Variants in KCNIP4 observed in about 807,000 individuals in gnomAD.
The protein encoded by KCNIP4 is potassium voltage-gated channel interacting protein 4.
Under a neutral mutation model 34.0 loss-of-function variants are expected in KCNIP4, and 12 were observed. That is an observed-to-expected ratio of 0.35 (90% CI 0.23 to 0.57). KCNIP4 has a LOEUF of 0.57. Ranked by LOEUF, KCNIP4 falls within the 20% of genes least tolerant of loss-of-function variation. The probability of loss-of-function intolerance (pLI) is 0.83; values close to 1 mark genes in which losing one functional copy is unlikely to be tolerated. For missense variants in KCNIP4, 238 were observed against 311.7 expected (o/e 0.76, Z 1.78); for synonymous variants, 124 against 102.2 (o/e 1.21, Z -1.29).
At chr4:21,730,715 G>C (rs1374569986) in intron 1 of KCNIP4, among the ~76,000 whole-genome samples, 3 of 152,172 alleles carry the variant, frequency 2.0e-5, no homozygotes, top group African/African-American at 7.2e-5. Flanking sequence ...ATGTTATTTT[G>C]ATTCAGATTT....
intron 1 of KCNIP4, among the ~76,000 whole-genome samples, chr4:21,658,896 TC>T (rs1468168600): frequency 6.6e-6 from 1 of 152,180 alleles, no homozygotes; most frequent in African/African-American, 2.4e-5. Context: ...TTTCAATGAT[TC>T]TGTAAGTTTT....
Position 21,080,501 on chromosome 4 carries a change from G to A in KCNIP4, c.62-197792C>T, listed in dbSNP as rs369964592. 4.6e-5 allele frequency among the ~76,000 whole-genome samples: 7 copies of A among 150,912 alleles called. No individual in the cohort carries two copies. The East Asian group carries it at 7.8e-4, about 17-fold the overall frequency. The stretch of plus-strand genomic sequence containing the variant: ...TAACAATATTTTATAGCATGTGTTC[G>A]TTATTATGCTTACCTTTACAAATTA... On this transcript the variant is annotated intron_variant, in intron 1 of 8. Coordinates refer to ENST00000382152, the MANE Select transcript of KCNIP4 (RefSeq NM_025221.6).
chr4:20,912,950 C>CT (rs1223581898), intron 1 of KCNIP4, among the ~76,000 whole-genome samples: 1 of 152,074 alleles, frequency 6.6e-6, no homozygotes. Flanking sequence ...ATGGTGCGGC[C>CT]TTTTTTGAAA....
chr4:21,459,754 T>C (rs1560426858), intron 1 of KCNIP4, among the ~76,000 whole-genome samples: 1 of 152,158 alleles, frequency 6.6e-6, no homozygotes, highest in East Asian at 1.9e-4. Flanking sequence ...ATCATGATTG[T>C]CTTTTCTTTT....
intron 2 of KCNIP4, among the ~76,000 whole-genome samples, chr4:20,876,104 G>A (rs921866434): frequency 1.2e-4 from 18 of 152,178 alleles, no homozygotes; most frequent in Non-Finnish European, 4.4e-5. Context: ...CAATTATTTT[G>A]ATTGAATGAG....
intron 8 of KCNIP4, among the ~76,000 whole-genome samples, chr4:20,730,378 T>G (rs996461303): frequency 2.6e-5 from 4 of 152,156 alleles, no homozygotes; most frequent in Admixed American, 6.5e-5. Flanking sequence ...ATTTAAATCT[T>G]TACTTGGTAT....
chr4:21,853,869 A>G (rs896705095), intron 1 of KCNIP4, among the ~76,000 whole-genome samples: 1 of 152,184 alleles, frequency 6.6e-6, no homozygotes, highest in Non-Finnish European at 1.5e-5. Context: ...TCATCTGTCA[A>G]ATAAAGAGTT....
chr4:21,589,228 C>A (rs1157809151), intron 1 of KCNIP4, among the ~76,000 whole-genome samples: 1 of 79,136 alleles, frequency 1.3e-5, no homozygotes, highest in African/African-American at 5.6e-5. Flanking sequence ...ACACATGTAT[C>A]TATACAGATA....
chr4:21,123,357 T>C (rs571992227), intron 1 of KCNIP4, among the ~76,000 whole-genome samples: 1 of 152,344 alleles, frequency 6.6e-6, no homozygotes, highest in African/African-American at 2.4e-5. Flanking sequence ...AACATCCCTG[T>C]CCTCACAGAG....
chr4:20,889,032 G>A (rs1725621759), intron 1 of KCNIP4, among the ~76,000 whole-genome samples: 1 of 152,006 alleles, frequency 6.6e-6, no homozygotes, highest in Non-Finnish European at 1.5e-5. Flanking sequence ...ATTTTAGTGG[G>A]CCCATGTTTA....
At chr4:20,970,163 G>A (rs946728665) in intron 1 of KCNIP4, among the ~76,000 whole-genome samples, 1 of 151,946 alleles carries the variant, frequency 6.6e-6, no homozygotes, top group African/African-American at 2.4e-5. Context: ...GGATGGTCTC[G>A]ATCTCCTGAC....
chr4:21,338,264 C>CAAAAAAAAAAAAAAAAAAA (rs869150288), intron 1 of KCNIP4, among the ~76,000 whole-genome samples: 1 of 50,004 alleles, frequency 2.0e-5, no homozygotes, highest in Non-Finnish European at 3.9e-5. Context: ...GACTCCTTCT[C>CAAAAAAAAAAAAAAAAAAA]AAAAAAAAAA....
At chr4:20,796,618 T>C (rs1290646323) in intron 3 of KCNIP4, among the ~76,000 whole-genome samples, 2 of 151,752 alleles carry the variant, frequency 1.3e-5, no homozygotes, top group African/African-American at 4.8e-5. Context: ...TTTTTTTTTT[T>C]TTACCACTTC....
At chr4:21,291,276 G>A (rs1463444150) in intron 1 of KCNIP4, among the ~76,000 whole-genome samples, 1 of 152,116 alleles carries the variant, frequency 6.6e-6, no homozygotes. Flanking sequence ...TAAATCTCAT[G>A]GCTTATGTTC....
intron 1 of KCNIP4, among the ~76,000 whole-genome samples, chr4:21,224,121 C>T (rs1274561758): frequency 1.3e-5 from 2 of 152,134 alleles, no homozygotes; most frequent in African/African-American, 2.4e-5. Context: ...TCTGCCCAGC[C>T]CTTCAAGATG....
At chr4:20,945,757 C>T (rs577521906) in intron 1 of KCNIP4, among the ~76,000 whole-genome samples, 6 of 152,244 alleles carry the variant, frequency 3.9e-5, no homozygotes, top group African/African-American at 7.2e-5. Flanking sequence ...CCCCCAGGGA[C>T]TCCCCGACAT....
chr4:21,257,628 T>A lies in KCNIP4; in HGVS notation c.62-374919A>T, dbSNP rs150166240. Among the ~76,000 whole-genome samples the A allele has an allele frequency of 6.9e-3, 1,054 of 151,980 alleles. 47 individuals are homozygous for A. In the East Asian group the frequency reaches 0.15, roughly 21 times the overall value. On this transcript the variant is annotated intron_variant, in intron 1 of 8. Coordinates refer to ENST00000382152, the MANE Select transcript of KCNIP4 (RefSeq NM_025221.6). ...AGCTGGGTATGGTGGCATGCGACTG[T>A]AGTCCCAGCTACTCGGGAGGCTGAG...
intron 1 of KCNIP4, among the ~76,000 whole-genome samples, chr4:21,222,007 A>G (rs1267448608): frequency 6.6e-6 from 1 of 152,198 alleles, no homozygotes; most frequent in Non-Finnish European, 1.5e-5. Flanking sequence ...CTATCAGATC[A>G]AACGTTGATG....
intron 1 of KCNIP4, among the ~76,000 whole-genome samples, chr4:21,107,680 G>T: frequency 6.6e-6 from 1 of 151,288 alleles, no homozygotes; most frequent in African/African-American, 2.5e-5. Flanking sequence ...AGTTGATGCA[G>T]TTTCTTCCTA....
Sources: gnomAD v4.1 joint callset for allele counts (sites outside exome capture counted in the v4.1 genomes callset) on GRCh38, gnomAD v4.1.1 for gene constraint, MANE v1.5 for transcripts, NCBI Gene and HGNC (gene_info 2026-07-23, HGNC 2026-07-21) for gene names.